Variants in ESPL1 observed in about 807,000 individuals in gnomAD.
ESPL1 encodes the protein separin.
Under a neutral mutation model 217.2 loss-of-function variants are expected in ESPL1, and 50 were observed. The ratio of observed to expected loss-of-function variants is 0.23; its 90% CI spans 0.18 to 0.29. The LOEUF is 0.29. Ranked by LOEUF, ESPL1 falls within the 10% of genes least tolerant of loss-of-function variation. The pLI, the probability that ESPL1 is intolerant of heterozygous loss-of-function variation, is 1.00. For synonymous variants in ESPL1, 994 were observed against 1,081.3 expected, an observed-to-expected ratio of 0.92 and a Z score of 1.58; for missense variants, 1,834 against 2,603.0, an observed-to-expected ratio of 0.70 and a Z score of 6.43.
chr12:53,277,340 G>A (rs915587294), intron 9 of ESPL1, 113 bp downstream of exon 9: 3 of 1,470,330 alleles, frequency 2.0e-6, no homozygotes, highest in Non-Finnish European at 2.8e-6. Context: ...TAGAGATGGG[G>A]TCTCTCTGTT....
At chr12:53,283,702 T>G (rs2120950514) in intron 16 of ESPL1, among the ~76,000 whole-genome samples, 164 bp downstream of exon 16, 1 of 152,228 alleles carries the variant, frequency 6.6e-6, no homozygotes, top group Middle Eastern at 3.4e-3. Flanking sequence ...TTAATCAAGG[T>G]TAGATGTTTT....
chr12:53,270,166 G>A, intron 3 of ESPL1, 81 bp downstream of exon 3: 1 of 1,269,790 alleles, frequency 7.9e-7, no homozygotes, highest in African/African-American at 1.5e-5. Context: ...AAGATCTGGA[G>A]GTCCTGGCTC....
At chr12:53,279,665 G>C in intron 11 of ESPL1, 67 bp from the exon 12 acceptor site, 1 of 1,603,420 alleles carries the variant, frequency 6.2e-7, no homozygotes, top group Non-Finnish European at 8.5e-7. Context: ...CAAAGGGCTG[G>C]GGAGCAGAGG....
In ESPL1 at chr12:53,288,781, G is replaced by T. The variant is rs1040850692; in HGVS notation, c.4708+82G>T. 1.8e-5 allele frequency: 24 copies of T among 1,367,426 alleles called. No individual in the cohort carries two copies. In the African/African-American group the frequency reaches 3.5e-4, roughly 20 times the overall value. The allele number at this position is 1,367,426 out of a possible 1,614,324, so 84.7% of individuals were successfully genotyped here. A position where few individuals can be genotyped will look rare whatever the true frequency, so the allele number is the denominator to read the frequency against. ...TTGACCCCTCTGTCTTTCCAGGCTG[G>T]GTTCGGATCTGGATCCAGTAGCCTC... On this transcript the variant is annotated intron_variant, in intron 20 of 30. Coordinates refer to ENST00000257934, the MANE Select transcript of ESPL1 (RefSeq NM_012291.5).
Position 53,283,271 on chromosome 12 carries a change from G to A in ESPL1, c.2920+14G>A, listed in dbSNP as rs200015034. The A allele has an allele frequency of 1.6e-4, 253 of 1,614,094 alleles. No individual in the cohort carries two copies. In the African/African-American group the frequency reaches 2.7e-3, roughly 17 times the overall value. Reference sequence around the variant, plus strand: ...TTTTGGACTATGGTGAGTCTGGGGAGGACAGCAGGGCCCTCTTGGAATGGA... The same window carrying A: ...TTTTGGACTATGGTGAGTCTGGGGAAGACAGCAGGGCCCTCTTGGAATGGA... On this transcript the variant is annotated intron_variant, in intron 15 of 30. Coordinates refer to ENST00000257934, the MANE Select transcript of ESPL1 (RefSeq NM_012291.5).
chr12:53,279,267 A>G (rs994574753), intron 11 of ESPL1, among the ~76,000 whole-genome samples: 8 of 152,174 alleles, frequency 5.3e-5, no homozygotes, highest in African/African-American at 1.9e-4. Context: ...CACATTAGGA[A>G]ACAAACAAAC....
chr12:53,270,795 A>G lies in ESPL1; in HGVS notation c.1366A>G (p.Thr456Ala). Residue 456 changes from threonine to alanine, a missense_variant, in exon 5 of 31, where the codon ACC (threonine) becomes GCC (alanine). Physicochemically the swap from Thr to Ala is moderately conservative, Grantham distance 58 (BLOSUM62 0). Transcript: ENST00000257934. ...AGAGCTGACGGACCACATGGGGATG[A>G]CCGGTTAGTGCCCTGGGTCCCAGGC... The part of the protein sequence containing the change: ...GQELTDHMGM[T>A]ASYTSNLAYS... The G allele has an allele frequency of 6.2e-7, 1 of 1,614,096 alleles. No homozygotes were observed. Among genetic ancestry groups the G allele is most frequent in the Non-Finnish European group, 8.5e-7 (1 of 1,179,994 alleles).
In ESPL1 at chr12:53,293,077, C is replaced by A; in HGVS notation, c.6161+107C>A. ...GCCTCTCTTGTGCCCCATTTTCCTCCTATCCTAGTTAGTTCCCTGGCATGC... is the reference window on the plus strand; with the variant it reads ...GCCTCTCTTGTGCCCCATTTTCCTCATATCCTAGTTAGTTCCCTGGCATGC... On this transcript the variant is annotated intron_variant, in intron 30 of 30. Coordinates refer to ENST00000257934, the MANE Select transcript of ESPL1 (RefSeq NM_012291.5). The surrounding 1 kb of genome is among the most constrained non-coding windows in gnomAD (Gnocchi z 4.2). 1 of 1,174,786 alleles carries A rather than the reference C, an allele frequency of 8.5e-7. No individual in the cohort carries two copies. The highest frequency in any genetic ancestry group is 1.2e-6 in the Non-Finnish European group (1 of 830,590). 72.8% of individuals were successfully genotyped at this position (1,174,786 alleles called of 1,614,324 possible).
intron 6 of ESPL1, 30 bp downstream of exon 6, chr12:53,272,887 A>T (rs1943698839): frequency 6.2e-7 from 1 of 1,610,542 alleles, no homozygotes; most frequent in African/African-American, 1.3e-5. Flanking sequence ...GCAGGAAAGG[A>T]GCTTATGTGG....
At position 53,269,685 on chromosome 12, in the gene ESPL1, C is replaced by T. The variant is rs1943633924; in HGVS notation, c.743C>T (p.Ala248Val). The T allele has an allele frequency of 1.2e-6, 2 of 1,614,184 alleles. No homozygotes were observed. The highest frequency in any genetic ancestry group is 1.7e-6 in the Non-Finnish European group (2 of 1,180,034). Residue 248 changes from alanine (A) to valine (V), a missense_variant, in exon 3 of 31, where the codon GCC becomes GTC. Transcript: ENST00000257934. The surrounding 1 kb of genome is among the most constrained non-coding windows in gnomAD (Gnocchi z 6.7). ...TCTGGGCTTCTTTCTCCCCAGAGGG[C>T]CCTCTGCCTCTTGGAGCTCACCTTG... ...SSSGLLSPQR[A>V]LCLLELTLEH...
rs778541676 is a variant in ESPL1, at chr12:53,286,511, C to T, written c.3775C>T (p.Pro1259Ser). Residue 1259 changes from proline to serine, a missense_variant, in exon 18 of 31, where the codon CCC becomes TCC. Pro to Ser is a moderately conservative substitution (Grantham distance 74). This residue lies in a region of ESPL1 where 681 missense variants were observed against 808.0 expected (regional missense o/e 0.84). Transcript: ENST00000257934. This position sits in a 1 kb window ranked among gnomAD's most constrained non-coding sequence, Gnocchi z 5.3. The part of the protein sequence containing the change: ...SGLKFVAARI[P>S]HLEPWRASLL... ...GCTGAAGTTTGTAGCAGCACGGATA[C>T]CCCACCTAGAGCCCTGGCGAGCCAG... 6.2e-7 allele frequency: 1 copy of T among 1,614,218 alleles called. No individual in the cohort carries two copies. The highest frequency in any genetic ancestry group is 8.5e-7 in the Non-Finnish European group (1 of 1,180,028).
chr12:53,269,409 A>G lies in ESPL1; in HGVS notation c.467A>G (p.Glu156Gly). The change falls in exon 3 of 31, where the codon GAA becomes GGA. Residue 156 changes from glutamate to glycine, a missense_variant. Glu to Gly is a moderately conservative substitution (Grantham distance 98). This residue lies in a region of ESPL1 where 746 missense variants were observed against 1,077.0 expected (regional missense o/e 0.69). Transcript: ENST00000257934. The surrounding 1 kb of genome is among the most constrained non-coding windows in gnomAD (Gnocchi z 6.7). ...TTTTCTCTGCTTTGGAAGGGGGCAG[A>G]AGCCCTGTTGGAACGGCGAGCTGCA... The part of the protein sequence containing the change: ...GSFSLLWKGA[E>G]ALLERRAAFA... The G allele has an allele frequency of 6.2e-7, 1 of 1,613,982 alleles. No homozygotes were observed. The highest frequency in any genetic ancestry group is 1.1e-5 in the South Asian group (1 of 91,082).
In ESPL1 at chr12:53,293,356, G is replaced by A; in HGVS notation, c.6245G>A (p.Gly2082Glu). 1 of 1,614,070 alleles carries A rather than the reference G, an allele frequency of 6.2e-7. No individual in the cohort carries two copies. The highest frequency in any genetic ancestry group is 8.5e-7 in the Non-Finnish European group (1 of 1,179,934). The change falls in exon 31 of 31, where the codon GGA becomes GAA. Residue 2082 changes from glycine to glutamate, a missense_variant. Gly to Glu is a moderately conservative substitution (Grantham distance 98). Transcript: ENST00000257934. This position sits in a 1 kb window ranked among gnomAD's most constrained non-coding sequence, Gnocchi z 4.2. ...GAAGCTCTGCTGCAAGGCTGGCTTG[G>A]AGCAGGCCCAGGGGCCCCCCTTCTC... ...YTEALLQGWL[G>E]AGPGAPLLYY...
intron 22 of ESPL1, 103 bp from the exon 23 acceptor site, chr12:53,289,982 C>A: frequency 7.4e-7 from 1 of 1,359,698 alleles, no homozygotes; most frequent in Non-Finnish European, 1.0e-6. Context: ...CCAGGGAAGG[C>A]TTCTTGATGC....
intron 22 of ESPL1, chr12:53,289,869 G>A: frequency 1.6e-6 from 1 of 610,116 alleles, no homozygotes; most frequent in South Asian, 2.1e-5. Context: ...CATGATTTGA[G>A]TGCCTCACTT....
At chr12:53,279,298 T>G (rs138647413) in intron 11 of ESPL1, among the ~76,000 whole-genome samples, 7 of 152,348 alleles carry the variant, frequency 4.6e-5, no homozygotes, top group African/African-American at 1.7e-4. Context: ...CCTTTATACA[T>G]GCTGTTAACT....
intron 12 of ESPL1, among the ~76,000 whole-genome samples, chr12:53,280,482 C>T (rs748864406): frequency 1.3e-5 from 2 of 152,098 alleles, no homozygotes; most frequent in Non-Finnish European, 2.9e-5. Context: ...TCCACTTCCA[C>T]GTCACCCTCC....
Position 53,288,656 on chromosome 12 carries a change from C to A in ESPL1, c.4665C>A (p.Asp1555Glu), listed in dbSNP as rs773118764. The change falls in exon 20 of 31, where the codon GAC becomes GAA. Residue 1555 changes from aspartate (D) to glutamate (E), a missense_variant. Asp to Glu is a conservative substitution (Grantham distance 45). This residue lies in a region of ESPL1 where 681 missense variants were observed against 808.0 expected (regional missense o/e 0.84). Coordinates refer to ENST00000257934, the MANE Select transcript of ESPL1 (RefSeq NM_012291.5). ...GCCCAGACAAGGAGAGTGACAAGGA[C>A]CTTGGTCCTCGGCTCCGGCTCCCCT... ...SPCPDKESDK[D>E]LGPRLRLPSA... 1.9e-6 allele frequency: 3 copies of A among 1,613,794 alleles called. No homozygotes were observed. Among genetic ancestry groups the A allele is most frequent in the Non-Finnish European group, 2.5e-6 (3 of 1,179,982 alleles).
chr12:53,268,939 C>A, intron 2 of ESPL1, 85 bp from the exon 3 acceptor site: 1 of 1,484,178 alleles, frequency 6.7e-7, no homozygotes. Flanking sequence ...GTAGGCGACC[C>A]TCTCTGAGTA....
Sources: gnomAD v4.1 joint callset for allele counts (sites outside exome capture counted in the v4.1 genomes callset) on GRCh38, gnomAD v4.1.1 for gene constraint, gnomAD v4.1.1 regional missense constraint, Gnocchi (gnomAD v3.1) non-coding constraint, MANE v1.5 for transcripts, NCBI Gene and HGNC (gene_info 2026-07-23, HGNC 2026-07-21) for gene names.